Variants in STPG2 observed in about 807,000 individuals in gnomAD.
STPG2 encodes the protein sperm-tail PG-rich repeat-containing protein 2.
Under a neutral mutation model 54.2 loss-of-function variants are expected in STPG2, and 56 were observed. That is an observed-to-expected ratio of 1.03 (90% CI 0.83 to 1.29). The LOEUF is 1.29. Ranked by LOEUF, STPG2 falls within the 50% of genes most tolerant of loss-of-function variation. The pLI is 0.00. For missense variants in STPG2, 596 were observed against 544.9 expected (o/e 1.09, Z -0.93); for synonymous variants, 200 against 181.8 (o/e 1.10, Z -0.81).
intron 7 of STPG2, among the ~76,000 whole-genome samples, chr4:97,962,108 T>G (rs1021492838): frequency 6.6e-6 from 1 of 152,144 alleles, no homozygotes; most frequent in Non-Finnish European, 1.5e-5. Context: ...AACTCAGGAA[T>G]GGAAAACCAA....
At chr4:97,850,087 A>G (rs1412453075) in intron 8 of STPG2, among the ~76,000 whole-genome samples, 1 of 151,478 alleles carries the variant, frequency 6.6e-6, no homozygotes, top group Non-Finnish European at 1.5e-5. Context: ...AATACTATGC[A>G]GCCATAAAAA....
At chr4:97,724,689 TC>T (rs1724562356) in intron 9 of STPG2, among the ~76,000 whole-genome samples, 1 of 152,152 alleles carries the variant, frequency 6.6e-6, no homozygotes, top group Admixed American at 6.5e-5. Context: ...AATACTTCCT[TC>T]TTTTTGTGTT....
At chr4:97,754,461 G>T (rs184881475) in intron 9 of STPG2, among the ~76,000 whole-genome samples, 444 of 152,210 alleles carry the variant, frequency 2.9e-3, no homozygotes, top group South Asian at 4.4e-3. Flanking sequence ...TATAGAATAA[G>T]ATGTTGCTGG....
chr4:98,119,234 C>A (rs948464382), intron 3 of STPG2, among the ~76,000 whole-genome samples: 1 of 152,024 alleles, frequency 6.6e-6, no homozygotes, highest in Non-Finnish European at 1.5e-5. Context: ...GAGATAAATA[C>A]CTTGTTACTC....
intron 8 of STPG2, among the ~76,000 whole-genome samples, chr4:97,869,619 T>C (rs536769076): frequency 1.6e-4 from 24 of 151,710 alleles, no homozygotes; most frequent in Non-Finnish European, 2.5e-4. Context: ...TCTGTAACCT[T>C]AAACTTATAT....
chr4:97,701,864 C>T (rs1723789768), intron 10 of STPG2, among the ~76,000 whole-genome samples: 1 of 152,176 alleles, frequency 6.6e-6, no homozygotes, highest in Non-Finnish European at 1.5e-5. Flanking sequence ...TTGAGTGCCA[C>T]CACTTGGCCC....
chr4:98,110,131 T>C (rs1299395504), intron 3 of STPG2, among the ~76,000 whole-genome samples: 2 of 152,056 alleles, frequency 1.3e-5, no homozygotes, highest in South Asian at 2.1e-4. Context: ...ATGTGTCAAG[T>C]TGTTACAGCA....
intron 4 of STPG2, among the ~76,000 whole-genome samples, chr4:97,481,588 T>A (rs1665610560): frequency 1.3e-5 from 2 of 151,558 alleles, no homozygotes; most frequent in Non-Finnish European, 3.0e-5. Context: ...TATCCCTAAT[T>A]TTTTTATACA....
At chr4:97,961,491 C>T (rs1295048012) in intron 7 of STPG2, among the ~76,000 whole-genome samples, 1 of 151,966 alleles carries the variant, frequency 6.6e-6, no homozygotes, top group Non-Finnish European at 1.5e-5. Flanking sequence ...GAATCTACAA[C>T]AAACTCAACC....
At chr4:97,763,490 C>T (rs1243880956) in intron 9 of STPG2, among the ~76,000 whole-genome samples, 5 of 152,138 alleles carry the variant, frequency 3.3e-5, no homozygotes, top group African/African-American at 1.2e-4. Flanking sequence ...TGGATTTCAG[C>T]ACAAATTTCT....
chr4:97,861,061 C>G (rs1223203989), intron 8 of STPG2, among the ~76,000 whole-genome samples: 1 of 152,078 alleles, frequency 6.6e-6, no homozygotes, highest in Non-Finnish European at 1.5e-5. Context: ...AAGAGACAAC[C>G]CTCAGAATGG....
intron 9 of STPG2, among the ~76,000 whole-genome samples, chr4:97,815,540 CCTCA>C (rs1462284024): frequency 6.6e-6 from 1 of 152,046 alleles, no homozygotes; most frequent in Non-Finnish European, 1.5e-5. Context: ...TGTTTTCTTT[CCTCA>C]CTCTCTTGTC....
chr4:98,089,373 AG>A (rs1738616892), intron 5 of STPG2, among the ~76,000 whole-genome samples: 1 of 151,896 alleles, frequency 6.6e-6, no homozygotes. Context: ...TTGCTGTAAA[AG>A]ACATTATTTG....
At chr4:97,984,741 C>T (rs956707998) in intron 5 of STPG2, among the ~76,000 whole-genome samples, 3 of 152,106 alleles carry the variant, frequency 2.0e-5, no homozygotes, top group Non-Finnish European at 4.4e-5. Flanking sequence ...TGTTACGCCC[C>T]CTGTTGGGGA....
chr4:97,590,397 G>A (rs1733108757), intron 10 of STPG2, among the ~76,000 whole-genome samples: 1 of 151,972 alleles, frequency 6.6e-6, no homozygotes. Context: ...TGGATCCAGG[G>A]CTTATATACT....
intron 7 of STPG2, among the ~76,000 whole-genome samples, chr4:97,964,239 C>T (rs775392164): frequency 1.3e-5 from 2 of 152,116 alleles, no homozygotes; most frequent in Non-Finnish European, 2.9e-5. Flanking sequence ...GGGGACAAGG[C>T]AGATGGGGCA....
At chr4:97,964,934 C>T (rs1161819620) in intron 7 of STPG2, among the ~76,000 whole-genome samples, 1 of 152,150 alleles carries the variant, frequency 6.6e-6, no homozygotes, top group South Asian at 2.1e-4. Flanking sequence ...AGGCAGAAGG[C>T]AGGTGACTTC....
At chr4:97,595,086 A>C (rs1332710890) in intron 10 of STPG2, among the ~76,000 whole-genome samples, 2 of 152,198 alleles carry the variant, frequency 1.3e-5, no homozygotes, top group African/African-American at 4.8e-5. Context: ...TTGACTCAGC[A>C]ATCTCATTAC....
At chr4:97,470,109 A>T (rs983236076) in intron 4 of STPG2, among the ~76,000 whole-genome samples, 66 of 152,176 alleles carry the variant, frequency 4.3e-4, no homozygotes, top group Admixed American at 7.9e-4. Flanking sequence ...ATCTTATAAA[A>T]TAAAATGAAA....
Sources: gnomAD v4.1 joint callset for allele counts (sites outside exome capture counted in the v4.1 genomes callset) on GRCh38, gnomAD v4.1.1 for gene constraint, MANE v1.5 for transcripts, NCBI Gene and HGNC (gene_info 2026-07-23, HGNC 2026-07-21) for gene names.